The following RERE variants were observed in gnomAD, a reference collection of about 807,000 sequenced individuals.
RERE encodes arginine-glutamic acid dipeptide repeats protein.
RERE carries 40 observed loss-of-function variants against 146.1 expected under a neutral mutation model. That is an observed-to-expected ratio of 0.27 (90% CI 0.21 to 0.36). The LOEUF (loss-of-function observed/expected upper bound fraction) is 0.36. Among genes scored for constraint, RERE ranks in the 10% least tolerant of loss-of-function variants. The pLI, the probability that RERE is intolerant of heterozygous loss-of-function variation, is 1.00. For missense variants in RERE, 1,933 were observed against 2,138.7 expected, an observed-to-expected ratio of 0.90 and a Z score of 1.90; for synonymous variants, 1,003 against 866.0, an observed-to-expected ratio of 1.16 and a Z score of -2.78.
At chr1:8,690,982 C>A (rs1392045413) in intron 1 of RERE, among the ~76,000 whole-genome samples, 1 of 152,168 alleles carries the variant, frequency 6.6e-6, no homozygotes, top group African/African-American at 2.4e-5. Context: ...ATTGCAACCT[C>A]TGCCTCCCAG....
chr1:8,354,834 T>C lies in RERE; in HGVS notation c.*253A>G. On this transcript the variant is annotated 3_prime_UTR_variant, in exon 23 of 23. Transcript: ENST00000400908. ...CAAGATTGCAGGGAAGCTTTCTGGA[T>C]GTTCAGTCCAGTCCAGGACTCACTA... 1 of 489,452 alleles carries C rather than the reference T, an allele frequency of 2.0e-6. No individual in the cohort carries two copies. Among genetic ancestry groups the C allele is most frequent in the Non-Finnish European group, 3.6e-6 (1 of 280,866 alleles). The allele number at this position is 489,452 out of a possible 1,614,324, so 30.3% of individuals were successfully genotyped here.
chr1:8,749,129 T>A (rs911396866), intron 1 of RERE, among the ~76,000 whole-genome samples: 4 of 152,148 alleles, frequency 2.6e-5, no homozygotes, highest in African/African-American at 9.7e-5. Context: ...GATAAAGAAT[T>A]GAAGAGCTGG....
At chr1:8,710,588 G>A (rs896461280) in intron 1 of RERE, among the ~76,000 whole-genome samples, 1 of 152,126 alleles carries the variant, frequency 6.6e-6, no homozygotes, top group African/African-American at 2.4e-5. Flanking sequence ...GCATGATCTC[G>A]GCTCATTGCA....
rs557113998 is a variant in RERE, at chr1:8,704,496, T to C, written c.-144-48055A>G. Among the ~76,000 whole-genome samples the C allele has an allele frequency of 2.0e-5, 3 of 152,300 alleles. No individual in the cohort carries two copies. In the East Asian group the frequency reaches 5.8e-4, roughly 29 times the overall value. On this transcript the variant is annotated intron_variant, in intron 1 of 22. Coordinates refer to ENST00000400908, the MANE Select transcript of RERE (RefSeq NM_001042681.2). Reference sequence around the variant, plus strand: ...TCTCAAATAGCTTCATAAATGTTAATTAGACTTTCCAAGGCCCTATAAAGT... The same window carrying C: ...TCTCAAATAGCTTCATAAATGTTAACTAGACTTTCCAAGGCCCTATAAAGT...
rs911250179 is a variant in RERE, at chr1:8,361,774, T to C, written c.2005A>G (p.Thr669Ala). The change falls in exon 17 of 23, where the codon ACA becomes GCA. Residue 669 changes from threonine (T) to alanine (A), a missense_variant. By Grantham distance (58) the Thr-to-Ala change is moderately conservative (BLOSUM62 0). Transcript: ENST00000400908. ...GCAGCAAACCTCACCTGCGTTTTTG[T>C]CTTCTTGGAGCTGGTCCTGTCAGCC... is the stretch of plus-strand genomic sequence containing the variant. ...EEADRTSSKKTKTQEISRPNS... is the reference protein window; with the variant it reads ...EEADRTSSKKAKTQEISRPNS... The C allele has an allele frequency of 1.9e-6, 3 of 1,613,126 alleles. No individual in the cohort carries two copies. Among genetic ancestry groups the C allele is most frequent in the Admixed American group, 3.3e-5 (2 of 59,954 alleles).
chr1:8,817,088 C>A (rs573612570), intron 1 of RERE, 72 bp downstream of exon 1: 1 of 152,370 alleles, frequency 6.6e-6, no homozygotes, highest in South Asian at 2.1e-4. Flanking sequence ...CACGGCCGAC[C>A]CTCTCTGACC....
At chr1:8,476,773 G>A (rs975681060) in intron 10 of RERE, among the ~76,000 whole-genome samples, 6 of 152,190 alleles carry the variant, frequency 3.9e-5, no homozygotes, top group African/African-American at 1.2e-4. Context: ...GAGGCAGGGC[G>A]GACCTGCGTC....
intron 11 of RERE, among the ~76,000 whole-genome samples, chr1:8,449,602 C>T (rs886507457): frequency 1.3e-5 from 2 of 152,218 alleles, no homozygotes; most frequent in Non-Finnish European, 2.9e-5. Flanking sequence ...GAAAAACGCA[C>T]AGATTGCTCT....
At chr1:8,699,489 A>C (rs1639401924) in intron 1 of RERE, among the ~76,000 whole-genome samples, 1 of 152,242 alleles carries the variant, frequency 6.6e-6, no homozygotes, top group South Asian at 2.1e-4. Flanking sequence ...TATGTCAACT[A>C]TTTCATGGAT....
intron 11 of RERE, among the ~76,000 whole-genome samples, chr1:8,447,846 C>T (rs917921171): frequency 1.1e-4 from 16 of 152,196 alleles, no homozygotes; most frequent in Non-Finnish European, 1.9e-4. Context: ...CCTGCTTCTC[C>T]GAATACATCC....
At chr1:8,481,423 A>G (rs1172061160) in intron 10 of RERE, among the ~76,000 whole-genome samples, 1 of 152,152 alleles carries the variant, frequency 6.6e-6, no homozygotes, top group Non-Finnish European at 1.5e-5. Context: ...CCGATTAACC[A>G]GACATTTCAA....
chr1:8,801,518 C>T (rs1185444875), intron 1 of RERE, among the ~76,000 whole-genome samples: 1 of 152,078 alleles, frequency 6.6e-6, no homozygotes, highest in Non-Finnish European at 1.5e-5. Context: ...ATCTGCCCAC[C>T]TTGGCCTCCC....
chr1:8,416,064 T>C (rs1226528733), intron 12 of RERE, among the ~76,000 whole-genome samples: 1 of 152,220 alleles, frequency 6.6e-6, no homozygotes, highest in Non-Finnish European at 1.5e-5. Flanking sequence ...CCGAAAACAC[T>C]GTGGTATTAA....
intron 1 of RERE, among the ~76,000 whole-genome samples, chr1:8,808,623 C>G (rs1412367859): frequency 1.3e-5 from 2 of 152,130 alleles, no homozygotes; most frequent in East Asian, 1.9e-4. Flanking sequence ...CCCGAAGTCA[C>G]AGAGTTAATA....
chr1:8,699,563 A>C (rs376565587), intron 1 of RERE, among the ~76,000 whole-genome samples: 1 of 152,228 alleles, frequency 6.6e-6, no homozygotes. Flanking sequence ...ATTGGATAAC[A>C]ACCTGGAAAA....
At chr1:8,536,863 A>G (rs1441945267) in intron 7 of RERE, among the ~76,000 whole-genome samples, 1 of 152,200 alleles carries the variant, frequency 6.6e-6, no homozygotes, top group South Asian at 2.1e-4. Context: ...AGTAGTTTGT[A>G]TTCTACTTGG....
intron 1 of RERE, among the ~76,000 whole-genome samples, chr1:8,729,215 C>T (rs963230351): frequency 3.2e-5 from 4 of 125,340 alleles, no homozygotes; most frequent in African/African-American, 1.1e-4. Context: ...TCAGCTACAC[C>T]GATTTTTTTT....
chr1:8,696,033 C>T (rs912990363), intron 1 of RERE, among the ~76,000 whole-genome samples: 2 of 152,024 alleles, frequency 1.3e-5, no homozygotes, highest in African/African-American at 2.4e-5. Context: ...AATGAAATAT[C>T]GTCTCACGCC....
chr1:8,716,036 T>C (rs1164031290), intron 1 of RERE, among the ~76,000 whole-genome samples: 1 of 151,958 alleles, frequency 6.6e-6, no homozygotes, highest in Non-Finnish European at 1.5e-5. Context: ...TCTCAGCTAC[T>C]TGGGAGACTG....
Sources: allele counts gnomAD v4.1 joint callset (sites outside exome capture counted in the v4.1 genomes callset), GRCh38; gene constraint gnomAD v4.1.1; transcripts MANE v1.5; gene names NCBI Gene and HGNC (gene_info 2026-07-23, HGNC 2026-07-21).